KLHDC10: variants seen among roughly 807,000 people sequenced by gnomAD.
The protein encoded by KLHDC10 is kelch domain containing 10.
In KLHDC10, 24 loss-of-function variants were observed where a neutral mutation model predicts 56.1. The ratio of observed to expected loss-of-function variants is 0.43; its 90% CI spans 0.31 to 0.60. KLHDC10 has a LOEUF of 0.60. Ranked by LOEUF, KLHDC10 falls within the 20% of genes least tolerant of loss-of-function variation. KLHDC10 has a pLI of 0.11. For synonymous variants in KLHDC10, 188 were observed against 207.1 expected (o/e 0.91, Z 0.79); for missense variants, 349 against 567.0 (o/e 0.62, Z 3.91).
chr7:130,074,444 A>G (rs74315544), intron 1 of KLHDC10, among the ~76,000 whole-genome samples: 158 of 152,258 alleles, frequency 1.0e-3, no homozygotes, highest in African/African-American at 3.4e-3. Context: ...GTGCGTATAC[A>G]TATACACACA....
chr7:130,087,737 A>G (rs945562631), intron 1 of KLHDC10, among the ~76,000 whole-genome samples: 7 of 152,116 alleles, frequency 4.6e-5, no homozygotes, highest in African/African-American at 1.7e-4. Flanking sequence ...CATACACACA[A>G]ACCTAAAACA....
intron 2 of KLHDC10, among the ~76,000 whole-genome samples, chr7:130,105,511 A>G (rs1430867289): frequency 6.6e-6 from 1 of 152,262 alleles, no homozygotes; most frequent in Non-Finnish European, 1.5e-5. Flanking sequence ...GAAAGAAAAT[A>G]TACTATATTA....
rs1584636044 is a variant in KLHDC10 at position 130,116,924 on chromosome 7, A to C, written c.475+258A>C. ...GGATTAATAATATCTTAGAGGGTTC[A>C]ATATAAAGTATCACGCAGTAGAAGG... is the stretch of plus-strand genomic sequence containing the variant. On this transcript the variant is annotated intron_variant, in intron 3 of 9. Transcript: ENST00000335420. This position sits in a 1 kb window ranked among gnomAD's most constrained non-coding sequence, Gnocchi z 4.8. Among the ~76,000 whole-genome samples, 1 of 152,298 alleles carries C rather than the reference A, an allele frequency of 6.6e-6. No individual in the cohort carries two copies. The highest frequency in any genetic ancestry group is 1.9e-4 in the East Asian group (1 of 5,186).
intron 1 of KLHDC10, among the ~76,000 whole-genome samples, chr7:130,096,608 A>G (rs528170981): frequency 6.6e-6 from 1 of 152,254 alleles, no homozygotes; most frequent in Admixed American, 6.5e-5. Flanking sequence ...CTGTTCATAA[A>G]GCTCCTGGTG....
chr7:130,089,977 G>A (rs964278616), intron 1 of KLHDC10, among the ~76,000 whole-genome samples: 9 of 151,770 alleles, frequency 5.9e-5, no homozygotes, highest in African/African-American at 1.9e-4. Context: ...TGCCTCCTAA[G>A]TTCAAGCAAT....
chr7:130,095,629 G>C (rs76388657), intron 1 of KLHDC10, among the ~76,000 whole-genome samples: 4,240 of 152,178 alleles, frequency 0.028, 198 homozygotes, highest in African/African-American at 0.097. Context: ...AAATGTGCAG[G>C]TGATGCCATT....
At position 130,130,194 on chromosome 7, in the gene KLHDC10, C is replaced by A. The variant is rs1406388377; in HGVS notation, c.1120-343C>A. On this transcript the variant is annotated intron_variant, in intron 9 of 9. Coordinates refer to ENST00000335420, the MANE Select transcript of KLHDC10 (RefSeq NM_014997.4). This position sits in a 1 kb window ranked among gnomAD's most constrained non-coding sequence, Gnocchi z 4.2. Reference sequence around the variant, plus strand: ...AATTAGCCGGACGTGGTGGCGCGTGCCTGTATTCCCAGCTACTCTGGAGGC... The same window carrying A: ...AATTAGCCGGACGTGGTGGCGCGTGACTGTATTCCCAGCTACTCTGGAGGC... 6.6e-6 allele frequency among the ~76,000 whole-genome samples: 1 copy of A among 151,694 alleles called. No individual in the cohort carries two copies. Among genetic ancestry groups the A allele is most frequent in the Non-Finnish European group, 1.5e-5 (1 of 67,960 alleles).
In KLHDC10 at chr7:130,135,295, G is replaced by A. The variant is rs1310282811; in HGVS notation, c.*4549G>A. ...ACACTCTCTAAAGCCACTTCCTTGT[G>A]CACAGAGTCTGCACAGGGAGAGCAC... On this transcript the variant is annotated 3_prime_UTR_variant, in exon 10 of 10. Coordinates refer to ENST00000335420, the MANE Select transcript of KLHDC10 (RefSeq NM_014997.4). 6.5e-6 allele frequency: 1 copy of A among 154,310 alleles called. No homozygotes were observed. The highest frequency in any genetic ancestry group is 1.5e-5 in the Non-Finnish European group (1 of 68,200). The allele number at this position is 154,310 out of a possible 1,614,324, so 9.6% of individuals were successfully genotyped here.
At chr7:130,089,504 G>T (rs17164377) in intron 1 of KLHDC10, among the ~76,000 whole-genome samples, 18,200 of 152,238 alleles carry the variant, frequency 0.12, 1,282 homozygotes, top group East Asian at 0.31. Flanking sequence ...ATATAAAGGT[G>T]TTTGGCATAG....
At chr7:130,096,794 G>A (rs915822579) in intron 1 of KLHDC10, 127 bp from the exon 2 acceptor site, 13 of 580,654 alleles carry the variant, frequency 2.2e-5, no homozygotes, top group African/African-American at 7.4e-5. Context: ...GCTACTTTAC[G>A]TCACTTTCTT....
At chr7:130,113,641 T>C (rs1272149700) in intron 2 of KLHDC10, among the ~76,000 whole-genome samples, 3 of 148,702 alleles carry the variant, frequency 2.0e-5, no homozygotes, top group African/African-American at 7.4e-5. Context: ...CCCAATATTT[T>C]TGACCTGAGT....
Position 130,116,611 on chromosome 7 carries a change from A to G in KLHDC10, c.420A>G (p.Val140=). 9 of 1,614,216 alleles carry G rather than the reference A, an allele frequency of 5.6e-6. No individual in the cohort carries two copies. The highest frequency in any genetic ancestry group is 5.9e-6 in the Non-Finnish European group (7 of 1,180,034). The part of the protein sequence containing the change: ...ELWRYHFATG[V]WHQMGTDGYM... ...GGAGGTATCATTTTGCTACAGGAGT[A>G]TGGCACCAGATGGGCACAGATGGCT... Residue 140 remains valine (V), a synonymous_variant, in exon 3 of 10, where the codon GTA becomes GTG. Transcript: ENST00000335420. This position sits in a 1 kb window ranked among gnomAD's most constrained non-coding sequence, Gnocchi z 4.8.
chr7:130,090,897 C>G (rs956364174), intron 1 of KLHDC10, among the ~76,000 whole-genome samples: 13 of 152,138 alleles, frequency 8.5e-5, no homozygotes, highest in African/African-American at 1.9e-4. Flanking sequence ...TGCCCTGATA[C>G]AGCCACAGCC....
At position 130,134,616 on chromosome 7, in the gene KLHDC10, G is replaced by A. The variant is rs377114152; in HGVS notation, c.*3870G>A. The A allele has an allele frequency of 2.0e-5, 3 of 146,406 alleles. No individual in the cohort carries two copies. The highest frequency in any genetic ancestry group is 3.0e-5 in the Non-Finnish European group (2 of 65,684). 9.1% of individuals were successfully genotyped at this position (146,406 alleles called of 1,614,324 possible). ...ATCCTCTAAGACTGTGTTGGTCTTC[G>A]TATTCTGTAAAACCCATTTTTTTTT... On this transcript the variant is annotated 3_prime_UTR_variant, in exon 10 of 10. Transcript: ENST00000335420.
intron 3 of KLHDC10, among the ~76,000 whole-genome samples, chr7:130,118,640 C>G (rs1176549853): frequency 6.6e-6 from 1 of 152,222 alleles, no homozygotes; most frequent in Non-Finnish European, 1.5e-5. Flanking sequence ...TTTCCACATG[C>G]CTTCCTCACT....
Position 130,130,950 on chromosome 7 carries a change from TC to T in KLHDC10, c.*206del. 1 of 559,086 alleles carries T rather than the reference TC, an allele frequency of 1.8e-6. No individual in the cohort carries two copies. Among genetic ancestry groups the T allele is most frequent in the South Asian group, 2.1e-5 (1 of 47,462 alleles). The allele number at this position is 559,086 out of a possible 1,614,324, so 34.6% of individuals were successfully genotyped here. On this transcript the variant is annotated 3_prime_UTR_variant, in exon 10 of 10. Transcript: ENST00000335420. The surrounding 1 kb of genome is among the most constrained non-coding windows in gnomAD (Gnocchi z 4.2). ...CACGTGCTTCCTTCTTTGCTTCTGT[TC>T]CTCCTGACCCATTACATGCACATGT...
At chr7:130,092,451 G>T (rs566708930) in intron 1 of KLHDC10, among the ~76,000 whole-genome samples, 3 of 152,306 alleles carry the variant, frequency 2.0e-5, no homozygotes, top group Admixed American at 6.5e-5. Flanking sequence ...TAGCCTTGCT[G>T]TGAGTGTTAA....
rs1415639977 is a variant in KLHDC10 at position 130,132,880 on chromosome 7, GCTTAGACTTTCATGGTC to G, written c.*2140_*2156del. ...CAAAGACTGAATGCTCAGCCTCTGT[GCTTAGACTTTCATGGTC>G]CTTAGGATAGAAGTGAGTCTCTAGC... On this transcript the variant is annotated 3_prime_UTR_variant, in exon 10 of 10. Coordinates refer to ENST00000335420, the MANE Select transcript of KLHDC10 (RefSeq NM_014997.4). 2 of 152,210 alleles carry G rather than the reference GCTTAGACTTTCATGGTC, an allele frequency of 1.3e-5. No homozygotes were observed. The highest frequency in any genetic ancestry group is 2.9e-5 in the Non-Finnish European group (2 of 68,070). The allele number at this position is 152,210 out of a possible 1,614,324, so 9.4% of individuals were successfully genotyped here. A position where few individuals can be genotyped will look rare whatever the true frequency, so the allele number is the denominator to read the frequency against.
At chr7:130,083,391 G>A (rs1266780395) in intron 1 of KLHDC10, among the ~76,000 whole-genome samples, 1 of 152,062 alleles carries the variant, frequency 6.6e-6, no homozygotes, top group African/African-American at 2.4e-5. Context: ...CCGCATTTAT[G>A]TCTTTCATTT....
Sources: allele counts gnomAD v4.1 joint callset (sites outside exome capture counted in the v4.1 genomes callset), GRCh38; gene constraint gnomAD v4.1.1; non-coding constraint Gnocchi (gnomAD v3.1); transcripts MANE v1.5; gene names NCBI Gene and HGNC (gene_info 2026-07-23, HGNC 2026-07-21).